The following CTNND2 variants were observed in gnomAD, a reference collection of about 807,000 sequenced individuals.
CTNND2 encodes catenin delta 2.
Under a neutral mutation model 144.4 loss-of-function variants are expected in CTNND2, and 22 were observed. That is an observed-to-expected ratio of 0.15 (90% CI 0.11 to 0.22). The LOEUF (loss-of-function observed/expected upper bound fraction) is 0.22, where lower values mean the gene tolerates loss of function less well. Among genes scored for constraint, CTNND2 ranks in the 10% least tolerant of loss-of-function variants. CTNND2 has a pLI of 1.00. For missense variants in CTNND2, 1,353 were observed against 1,618.8 expected (o/e 0.84, Z 2.82); for synonymous variants, 751 against 695.6 (o/e 1.08, Z -1.25).
intron 9 of CTNND2, among the ~76,000 whole-genome samples, chr5:11,251,461 C>A (rs1743645399): frequency 1.3e-5 from 2 of 152,200 alleles, no homozygotes; most frequent in Admixed American, 6.5e-5. Flanking sequence ...AAAGTGATGA[C>A]ATCATTGAAA....
intron 3 of CTNND2, among the ~76,000 whole-genome samples, chr5:11,444,393 A>C (rs1764617234): frequency 6.6e-6 from 1 of 152,180 alleles, no homozygotes; most frequent in African/African-American, 2.4e-5. Context: ...TAGAGAAAGA[A>C]ATTCTCTAAA....
At chr5:11,112,925 GA>G (rs1242424074) in intron 13 of CTNND2, among the ~76,000 whole-genome samples, 2 of 152,172 alleles carry the variant, frequency 1.3e-5, no homozygotes, top group Non-Finnish European at 2.9e-5. Context: ...GGTGGATCAT[GA>G]GGTCAGGAGA....
chr5:11,834,682 C>T (rs903210311), intron 1 of CTNND2, among the ~76,000 whole-genome samples: 11 of 152,098 alleles, frequency 7.2e-5, no homozygotes, highest in African/African-American at 2.7e-4. Context: ...GTGAATATAC[C>T]TTTTATTACA....
intron 3 of CTNND2, among the ~76,000 whole-genome samples, chr5:11,520,631 T>C (rs1382848532): frequency 1.3e-5 from 2 of 152,180 alleles, no homozygotes; most frequent in East Asian, 1.9e-4. Flanking sequence ...CTCATCTCAT[T>C]TCTTTTGAGT....
In CTNND2 at chr5:11,566,148, A is replaced by G. The variant is rs558366158; in HGVS notation, c.175-1092T>C. Among the ~76,000 whole-genome samples the G allele has an allele frequency of 1.6e-4, 24 of 152,310 alleles. 1 individual carries two copies. In the South Asian group the frequency reaches 5.0e-3, roughly 32 times the overall value. On this transcript the variant is annotated intron_variant, in intron 2 of 21. Coordinates refer to ENST00000304623, the MANE Select transcript of CTNND2 (RefSeq NM_001332.4). The stretch of plus-strand genomic sequence containing the variant: ...AGAATCTGGTGTGTCCCCTATATAC[A>G]TTAAAAATATCCTGGCTCTTTTCCA...
At chr5:11,855,795 G>T (rs949167063) in intron 1 of CTNND2, among the ~76,000 whole-genome samples, 7 of 152,118 alleles carry the variant, frequency 4.6e-5, no homozygotes, top group African/African-American at 1.7e-4. Flanking sequence ...TAATAAATCA[G>T]AAACTCTGGG....
At chr5:11,493,597 T>C (rs953883103) in intron 3 of CTNND2, among the ~76,000 whole-genome samples, 1 of 152,236 alleles carries the variant, frequency 6.6e-6, no homozygotes, top group Non-Finnish European at 1.5e-5. Context: ...AATGGAGATA[T>C]ATAATTGTCT....
chr5:11,432,450 A>T (rs1028823976), intron 3 of CTNND2, among the ~76,000 whole-genome samples: 3 of 152,210 alleles, frequency 2.0e-5, no homozygotes, highest in African/African-American at 7.2e-5. Flanking sequence ...TGAGATAAAG[A>T]TGAAAGGAGA....
At chr5:11,622,664 A>G (rs1780909568) in intron 2 of CTNND2, among the ~76,000 whole-genome samples, 1 of 152,134 alleles carries the variant, frequency 6.6e-6, no homozygotes, top group Non-Finnish European at 1.5e-5. Flanking sequence ...TTACAGAGGC[A>G]AATCTGCCCC....
At chr5:11,389,962 G>C (rs963385729) in intron 6 of CTNND2, among the ~76,000 whole-genome samples, 1 of 152,098 alleles carries the variant, frequency 6.6e-6, no homozygotes, top group Non-Finnish European at 1.5e-5. Context: ...CTTTAGACTG[G>C]GGGGGAGTCC....
At chr5:11,457,039 A>G (rs1044031001) in intron 3 of CTNND2, among the ~76,000 whole-genome samples, 1 of 152,254 alleles carries the variant, frequency 6.6e-6, no homozygotes, top group Admixed American at 6.5e-5. Flanking sequence ...ATTGGTGTCA[A>G]GCACTCTCTT....
intron 10 of CTNND2, among the ~76,000 whole-genome samples, chr5:11,224,012 C>T (rs181890): frequency 0.87 from 133,096 of 152,148 alleles, 58,323 homozygotes; most frequent in East Asian, 0.97. Context: ...AGTAAAAACA[C>T]GACTGAATCA....
chr5:11,658,861 A>G (rs963506879), intron 2 of CTNND2, among the ~76,000 whole-genome samples: 6 of 152,244 alleles, frequency 3.9e-5, no homozygotes, highest in Non-Finnish European at 7.3e-5. Context: ...GTTTTATCTA[A>G]TAACACAAAT....
chr5:11,117,412 A>C (rs1753663458), intron 13 of CTNND2, 38 bp downstream of exon 13: 1 of 1,522,152 alleles, frequency 6.6e-7, no homozygotes, highest in Non-Finnish European at 9.1e-7. Context: ...GGGAGTCTTT[A>C]TTCTCAAACA....
At chr5:11,202,656 C>T (rs1396821006) in intron 10 of CTNND2, among the ~76,000 whole-genome samples, 1 of 152,118 alleles carries the variant, frequency 6.6e-6, no homozygotes, top group East Asian at 1.9e-4. Context: ...CTCCCCTCTC[C>T]CATCAGGACC....
rs1740803174 is a variant in CTNND2, at chr5:11,009,215, C to T, written c.3084+8759G>A. 4.6e-5 allele frequency among the ~76,000 whole-genome samples: 7 copies of T among 152,276 alleles called. No individual in the cohort carries two copies. In the South Asian group the frequency reaches 1.5e-3, roughly 32 times the overall value. On this transcript the variant is annotated intron_variant, in intron 18 of 21. Transcript: ENST00000304623. Reference sequence around the variant, plus strand: ...TTGCAGGGTGGTACTTCTGAGCAACCCACCCCACTGCCCTCATGAGAGATG... The same window carrying T: ...TTGCAGGGTGGTACTTCTGAGCAACTCACCCCACTGCCCTCATGAGAGATG...
At chr5:11,766,394 T>A (rs1310380609) in intron 1 of CTNND2, among the ~76,000 whole-genome samples, 2 of 152,144 alleles carry the variant, frequency 1.3e-5, no homozygotes, top group African/African-American at 4.8e-5. Flanking sequence ...AACTGAATCA[T>A]GAGGGCAGGT....
chr5:11,005,044 T>C (rs1000741032), intron 18 of CTNND2, among the ~76,000 whole-genome samples: 4 of 152,140 alleles, frequency 2.6e-5, no homozygotes, highest in Admixed American at 2.6e-4. Context: ...GTACAGGTTA[T>C]TGGGAAGGAC....
intron 1 of CTNND2, among the ~76,000 whole-genome samples, chr5:11,796,446 G>A (rs1791406941): frequency 6.6e-6 from 1 of 152,166 alleles, no homozygotes; most frequent in Admixed American, 6.5e-5. Flanking sequence ...TTATCTGAGA[G>A]GCTTTCATTT....
Sources: gnomAD v4.1 joint callset for allele counts (sites outside exome capture counted in the v4.1 genomes callset) on GRCh38, gnomAD v4.1.1 for gene constraint, MANE v1.5 for transcripts, NCBI Gene and HGNC (gene_info 2026-07-23, HGNC 2026-07-21) for gene names.